The following ADK variants were observed in gnomAD, a reference collection of about 807,000 sequenced individuals.
The protein encoded by ADK is N6,N6-dimethyladenosine kinase.
ADK carries 24 observed loss-of-function variants against 44.7 expected under a neutral mutation model. The observed-to-expected ratio is 0.54, with a 90% CI of 0.39 to 0.76. The LOEUF (loss-of-function observed/expected upper bound fraction) is 0.76. Ranked by LOEUF, ADK falls within the 30% of genes least tolerant of loss-of-function variation. The pLI, the probability that ADK is intolerant of heterozygous loss-of-function variation, is 0.00. For missense variants in ADK, 321 were observed against 425.1 expected (o/e 0.76, Z 2.15); for synonymous variants, 128 against 142.6 (o/e 0.90, Z 0.73).
At chr10:74,393,675 A>T (rs1843414557) in intron 4 of ADK, among the ~76,000 whole-genome samples, 1 of 152,216 alleles carries the variant, frequency 6.6e-6, no homozygotes, top group Non-Finnish European at 1.5e-5. Context: ...ATTTGTAATT[A>T]TATCTCCACT....
chr10:74,213,760 C>T (rs1843914412), intron 2 of ADK, among the ~76,000 whole-genome samples: 1 of 152,042 alleles, frequency 6.6e-6, no homozygotes, highest in African/African-American at 2.4e-5. Context: ...GTCAGTGGCG[C>T]CCTCTGCCAG....
intron 6 of ADK, among the ~76,000 whole-genome samples, chr10:74,468,644 T>G (rs1174920982): frequency 6.6e-6 from 1 of 152,122 alleles, no homozygotes; most frequent in African/African-American, 2.4e-5. Context: ...GGCCTACAGT[T>G]CTCCTCTTCT....
At chr10:74,411,340 G>C (rs193126559) in intron 6 of ADK, among the ~76,000 whole-genome samples, 1 of 152,202 alleles carries the variant, frequency 6.6e-6, no homozygotes, top group Admixed American at 6.5e-5. Flanking sequence ...TTATTTGAGA[G>C]TCACTTCAAG....
chr10:74,287,662 A>C (rs1051903837), intron 3 of ADK, among the ~76,000 whole-genome samples: 1 of 152,164 alleles, frequency 6.6e-6, no homozygotes, highest in African/African-American at 2.4e-5. Flanking sequence ...GGGAAAAGAA[A>C]ATATAAAAAT....
At position 74,594,104 on chromosome 10, in the gene ADK, C is replaced by T. The variant is rs1172064654; in HGVS notation, c.762+4787C>T. Among the ~76,000 whole-genome samples the T allele has an allele frequency of 2.0e-5, 3 of 149,392 alleles. No homozygotes were observed. The East Asian group carries it at 6.0e-4, about 30-fold the overall frequency. ...CACAGGAACAGAAAGCCAAACACTG[C>T]ATGTTCTCACTCGTAAGTGGGAATT... On this transcript the variant is annotated intron_variant, in intron 8 of 10. Coordinates refer to ENST00000539909, the MANE Select transcript of ADK (RefSeq NM_006721.4).
At chr10:74,204,955 G>C (rs532874877) in intron 2 of ADK, among the ~76,000 whole-genome samples, 3 of 138,838 alleles carry the variant, frequency 2.2e-5, no homozygotes, top group African/African-American at 8.0e-5. Context: ...CAGGAGAATT[G>C]CTTGAACCCG....
intron 3 of ADK, among the ~76,000 whole-genome samples, chr10:74,303,594 T>G (rs1054519099): frequency 7.6e-6 from 1 of 130,876 alleles, no homozygotes; most frequent in Admixed American, 7.7e-5. Context: ...TGTTGTTTTT[T>G]TTTTTTTTTT....
chr10:74,435,780 GAAA>G (rs960530529), intron 6 of ADK, among the ~76,000 whole-genome samples: 3 of 151,910 alleles, frequency 2.0e-5, no homozygotes, highest in African/African-American at 7.3e-5. Flanking sequence ...AGTGCTGAAA[GAAA>G]AAAATCATCA....
chr10:74,375,907 G>A (rs1031513548), intron 4 of ADK, among the ~76,000 whole-genome samples: 3 of 151,852 alleles, frequency 2.0e-5, no homozygotes, highest in African/African-American at 7.3e-5. Flanking sequence ...TGGGGTTTTT[G>A]TTGTTGCTGC....
chr10:74,364,139 C>T (rs1468154906), intron 4 of ADK, among the ~76,000 whole-genome samples: 1 of 152,168 alleles, frequency 6.6e-6, no homozygotes, highest in East Asian at 1.9e-4. Context: ...TATTGCTACC[C>T]ATATTTGAGG....
chr10:74,454,983 C>T (rs1845892762), intron 6 of ADK, among the ~76,000 whole-genome samples: 1 of 152,136 alleles, frequency 6.6e-6, no homozygotes, highest in African/African-American at 2.4e-5. Flanking sequence ...GAGAAAAGGG[C>T]AGGGGACAGT....
chr10:74,316,375 C>A (rs1592036306), intron 4 of ADK, among the ~76,000 whole-genome samples: 1 of 152,182 alleles, frequency 6.6e-6, no homozygotes, highest in Non-Finnish European at 1.5e-5. Context: ...TGTCCCCACC[C>A]AAATCTAATC....
chr10:74,162,626 C>A (rs1307065930), intron 1 of ADK, among the ~76,000 whole-genome samples: 1 of 151,512 alleles, frequency 6.6e-6, no homozygotes, highest in Non-Finnish European at 1.5e-5. Context: ...CTCACTGCAA[C>A]CTCCACCTCC....
intron 3 of ADK, among the ~76,000 whole-genome samples, chr10:74,272,427 T>C (rs10824136): frequency 0.65 from 98,570 of 151,762 alleles, 33,267 homozygotes; most frequent in Middle Eastern, 0.8. Flanking sequence ...AGGCGCGCAC[T>C]ACCATGCCGG....
chr10:74,162,849 T>G (rs1841944196), intron 1 of ADK, among the ~76,000 whole-genome samples: 1 of 152,082 alleles, frequency 6.6e-6, no homozygotes, highest in Non-Finnish European at 1.5e-5. Context: ...GTCCCCAGTT[T>G]GCGTTTCTGT....
At chr10:74,380,672 C>A (rs552230856) in intron 4 of ADK, among the ~76,000 whole-genome samples, 2 of 151,994 alleles carry the variant, frequency 1.3e-5, no homozygotes, top group Non-Finnish European at 2.9e-5. Flanking sequence ...GCAGGACAAT[C>A]GCTTGAACCT....
intron 6 of ADK, among the ~76,000 whole-genome samples, chr10:74,521,601 T>C (rs1564770614): frequency 6.6e-6 from 1 of 152,194 alleles, no homozygotes; most frequent in Non-Finnish European, 1.5e-5. Flanking sequence ...GGGAGGTTTT[T>C]ATTTGATGCT....
intron 10 of ADK, among the ~76,000 whole-genome samples, chr10:74,697,612 A>G (rs1856254215): frequency 2.0e-5 from 3 of 152,190 alleles, no homozygotes; most frequent in Admixed American, 1.3e-4. Context: ...CTATTAAGGA[A>G]CTATAAATAG....
intron 9 of ADK, among the ~76,000 whole-genome samples, chr10:74,612,617 G>A (rs925432696): frequency 1.3e-4 from 20 of 151,988 alleles, no homozygotes; most frequent in Non-Finnish European, 4.4e-5. Context: ...CTTTTGTTGT[G>A]CAGAAACTCT....
Sources: allele counts gnomAD v4.1 joint callset (sites outside exome capture counted in the v4.1 genomes callset), GRCh38; gene constraint gnomAD v4.1.1; transcripts MANE v1.5; gene names NCBI Gene and HGNC (gene_info 2026-07-23, HGNC 2026-07-21).